PELI3: variants seen among roughly 807,000 people sequenced by gnomAD.
PELI3 encodes the protein pellino E3 ubiquitin protein ligase family member 3.
A neutral mutation model predicts 35.5 loss-of-function variants in PELI3; 19 were observed. That is an observed-to-expected ratio of 0.54 (90% CI 0.37 to 0.79). The LOEUF (loss-of-function observed/expected upper bound fraction) is 0.79. Ranked by LOEUF, PELI3 falls within the 30% of genes least tolerant of loss-of-function variation. The pLI, the probability that PELI3 is intolerant of heterozygous loss-of-function variation, is 0.00. For synonymous variants in PELI3, 262 were observed against 279.2 expected (o/e 0.94, Z 0.62); for missense variants, 490 against 661.2 (o/e 0.74, Z 2.84).
In PELI3 at chr11:66,473,733, C is replaced by T. The variant is rs188148448; in HGVS notation, c.652-4C>T. On this transcript the variant is annotated splice_region_variant and splice_polypyrimidine_tract_variant and intron_variant, in intron 6 of 7. Transcript: ENST00000320740. The surrounding 1 kb of genome is among the most constrained non-coding windows in gnomAD (Gnocchi z 5.8). ...ATGTGATCTGATCCCTCATGTGGTC[C>T]CAGGAGCGAGCGGCCAAATGGCGGA... is the stretch of plus-strand genomic sequence containing the variant. 738 of 1,613,634 alleles carry T rather than the reference C, an allele frequency of 4.6e-4. 8 individuals are homozygous for T. In the African/African-American group the frequency reaches 8.9e-3, roughly 19 times the overall value.
chr11:66,474,097 C>A, intron 7 of PELI3, 172 bp downstream of exon 7: 1 of 853,694 alleles, frequency 1.2e-6, no homozygotes, highest in Non-Finnish European at 1.9e-6. Flanking sequence ...GCCACTTGTC[C>A]CACAGACAGG....
At position 66,474,039 on chromosome 11, in the gene PELI3, A is replaced by G. The variant is rs1478071839; in HGVS notation, c.840+114A>G. The stretch of plus-strand genomic sequence containing the variant: ...AGTCCTTCTGCCCCAGGGAGCCCCA[A>G]CAGGCTCCATATCAGGGAATCCCAG... On this transcript the variant is annotated intron_variant, in intron 7 of 7. Coordinates refer to ENST00000320740, the MANE Select transcript of PELI3 (RefSeq NM_145065.3). 3.0e-6 allele frequency: 4 copies of G among 1,347,282 alleles called. No individual in the cohort carries two copies. In the South Asian group the frequency reaches 4.9e-5, roughly 17 times the overall value. 83.5% of individuals were successfully genotyped at this position (1,347,282 alleles called of 1,614,324 possible). A position where few individuals can be genotyped will look rare whatever the true frequency, so the allele number is the denominator to read the frequency against.
rs774622996 is a variant in PELI3 at position 66,475,834 on chromosome 11, C to T, written c.1077C>T (p.Tyr359=). The T allele has an allele frequency of 2.5e-6, 4 of 1,606,544 alleles. No homozygotes were observed. The highest frequency in any genetic ancestry group is 2.2e-5 in the South Asian group (2 of 90,382). ...TAPDKQQPWV[Y]VRCGHVHGYH... ...CCGACAAACAGCAGCCCTGGGTCTA[C>T]GTCCGCTGCGGGCACGTCCATGGCT... The change falls in exon 8 of 8, where the codon TAC becomes TAT. Residue 359 remains tyrosine, a synonymous_variant. Transcript: ENST00000320740.
intron 3 of PELI3, among the ~76,000 whole-genome samples, chr11:66,470,326 C>T (rs144762474): frequency 6.6e-6 from 1 of 152,198 alleles, no homozygotes; most frequent in East Asian, 1.9e-4. Flanking sequence ...ACCCTGCCAG[C>T]CTTGGGCCCT....
At position 66,467,771 on chromosome 11, in the gene PELI3, A is replaced by C. The variant is rs75685325; in HGVS notation, c.-1-357A>C. ...CAGAGGTCCAGAGGCTAAGAGCTAT[A>C]AGCAGGAACTGAGTCTGAGATGAGG... On this transcript the variant is annotated intron_variant, in intron 1 of 7. Coordinates refer to ENST00000320740, the MANE Select transcript of PELI3 (RefSeq NM_145065.3). The surrounding 1 kb of genome is among the most constrained non-coding windows in gnomAD (Gnocchi z 4.2). Among the ~76,000 whole-genome samples, 1 of 152,066 alleles carries C rather than the reference A, an allele frequency of 6.6e-6. No homozygotes were observed. The highest frequency in any genetic ancestry group is 2.4e-5 in the African/African-American group (1 of 41,422).
intron 5 of PELI3, 39 bp downstream of exon 5, chr11:66,472,509 G>C (rs748499318): frequency 9.3e-5 from 143 of 1,541,760 alleles, no homozygotes; most frequent in Non-Finnish European, 1.2e-4. Context: ...TGGCCACCAG[G>C]CCTCTAGGCT....
chr11:66,474,160 G>T (rs1302690676), intron 7 of PELI3: 12 of 683,618 alleles, frequency 1.8e-5, no homozygotes, highest in African/African-American at 1.8e-5. Context: ...AGGTCCAGGG[G>T]GTGATGCGAT....
intron 1 of PELI3, 111 bp from the exon 2 acceptor site, chr11:66,468,017 T>G (rs1590715752): frequency 2.8e-5 from 38 of 1,349,496 alleles, no homozygotes. Context: ...GTAGAGGCGG[T>G]GAAAGGTCAC....
At chr11:66,469,979 C>T (rs188763525) in intron 3 of PELI3, among the ~76,000 whole-genome samples, 1 of 151,826 alleles carries the variant, frequency 6.6e-6, no homozygotes, top group East Asian at 1.9e-4. Context: ...TTTGTATTTT[C>T]AGTAGAGACA....
chr11:66,473,161 C>T lies in PELI3; in HGVS notation c.457-80C>T, dbSNP rs1854778391. ...TTTGGTGACCTTGCATACAGAGCAGCTGCTGGTACTCTGGGAGGGAAGGCC... is the reference window on the plus strand; with the variant it reads ...TTTGGTGACCTTGCATACAGAGCAGTTGCTGGTACTCTGGGAGGGAAGGCC... On this transcript the variant is annotated intron_variant, in intron 5 of 7. Coordinates refer to ENST00000320740, the MANE Select transcript of PELI3 (RefSeq NM_145065.3). The surrounding 1 kb of genome is among the most constrained non-coding windows in gnomAD (Gnocchi z 5.8). The T allele has an allele frequency of 7.2e-7, 1 of 1,393,408 alleles. No individual in the cohort carries two copies. The highest frequency in any genetic ancestry group is 9.7e-7 in the Non-Finnish European group (1 of 1,028,498). 86.3% of individuals were successfully genotyped at this position (1,393,408 alleles called of 1,614,324 possible). A position where few individuals can be genotyped will look rare whatever the true frequency, so the allele number is the denominator to read the frequency against.
chr11:66,474,812 C>G (rs1854847986), intron 7 of PELI3: 1 of 152,186 alleles, frequency 6.6e-6, no homozygotes, highest in South Asian at 2.1e-4. Context: ...TCACTGCAAC[C>G]TCCGCCTCCT....
Position 66,476,573 on chromosome 11 carries a change from G to C in PELI3, c.*406G>C. ...CAGACACTCATCCTTCATCCTTCCT[G>C]CTGCCGCCCTGGGTTCCTCTATAAA... On this transcript the variant is annotated 3_prime_UTR_variant, in exon 8 of 8. Coordinates refer to ENST00000320740, the MANE Select transcript of PELI3 (RefSeq NM_145065.3). 1 of 207,376 alleles carries C rather than the reference G, an allele frequency of 4.8e-6. No homozygotes were observed. Among genetic ancestry groups the C allele is most frequent in the Non-Finnish European group, 9.7e-6 (1 of 103,146 alleles). The allele number at this position is 207,376 out of a possible 1,614,324, so 12.8% of individuals were successfully genotyped here.
intron 7 of PELI3, chr11:66,474,850 C>G (rs1460604565): frequency 1.3e-5 from 2 of 152,204 alleles, no homozygotes; most frequent in Non-Finnish European, 2.9e-5. Context: ...CTGCCTCAGC[C>G]TCCCACGTAG....
chr11:66,468,968 T>C lies in PELI3; in HGVS notation c.224+64T>C, dbSNP rs1590716618. 4.4e-6 allele frequency: 3 copies of C among 674,832 alleles called. No individual in the cohort carries two copies. The East Asian group carries it at 8.3e-5, about 19-fold the overall frequency. The allele number at this position is 674,832 out of a possible 1,614,324, so 41.8% of individuals were successfully genotyped here. A position where few individuals can be genotyped will look rare whatever the true frequency, so the allele number is the denominator to read the frequency against. On this transcript the variant is annotated intron_variant, in intron 3 of 7. Coordinates refer to ENST00000320740, the MANE Select transcript of PELI3 (RefSeq NM_145065.3). ...TACTCTAGGTCTAGTGCGCTTTCAC[T>C]AAGCCACAGCTGACCCTCACACTAC...
At chr11:66,469,844 G>C (rs1854660324) in intron 3 of PELI3, among the ~76,000 whole-genome samples, 2 of 136,598 alleles carry the variant, frequency 1.5e-5, no homozygotes, top group African/African-American at 5.6e-5. Context: ...CTGTCACCCA[G>C]GCTGGAGTAC....
intron 2 of PELI3, among the ~76,000 whole-genome samples, 162 bp from the exon 3 acceptor site, chr11:66,468,671 G>T (rs549941369): frequency 6.6e-6 from 1 of 152,322 alleles, no homozygotes; most frequent in Admixed American, 6.5e-5. Context: ...TTTTGCAAAT[G>T]GGGATGATAA....
intron 4 of PELI3, among the ~76,000 whole-genome samples, 189 bp from the exon 5 acceptor site, chr11:66,472,180 C>G (rs1279534706): frequency 2.0e-5 from 3 of 152,040 alleles, no homozygotes; most frequent in Admixed American, 6.6e-5. Flanking sequence ...AGCCTGATAA[C>G]CCCATCCTTA....
chr11:66,474,442 C>T (rs970069965), intron 7 of PELI3: 10 of 276,650 alleles, frequency 3.6e-5, no homozygotes, highest in Non-Finnish European at 6.1e-5. Flanking sequence ...GGTTAGGGAC[C>T]GGGAGTGAGT....
At chr11:66,472,276 GT>G in intron 4 of PELI3, 92 bp from the exon 5 acceptor site, 1 of 882,280 alleles carries the variant, frequency 1.1e-6, no homozygotes, top group Non-Finnish European at 1.9e-6. Context: ...TTCCCAGGGA[GT>G]GGCTGCTGGG....
Sources: allele counts gnomAD v4.1 joint callset (sites outside exome capture counted in the v4.1 genomes callset), GRCh38; gene constraint gnomAD v4.1.1; non-coding constraint Gnocchi (gnomAD v3.1); transcripts MANE v1.5; gene names NCBI Gene and HGNC (gene_info 2026-07-23, HGNC 2026-07-21).